RTEL1: variants seen among roughly 807,000 people sequenced by gnomAD.
RTEL1 encodes the protein regulator of telomere elongation helicase 1, also known as regulator of telomere length.
In RTEL1, 86 loss-of-function variants were observed where a neutral mutation model predicts 162.2. The ratio of observed to expected loss-of-function variants is 0.53; its 90% CI spans 0.45 to 0.63. The LOEUF is 0.63. Ranked by LOEUF, RTEL1 falls within the 30% of genes least tolerant of loss-of-function variation. RTEL1 has a pLI of 0.00. For missense variants in RTEL1, 1,941 were observed against 1,750.2 expected, an observed-to-expected ratio of 1.11 and a Z score of -1.95; for synonymous variants, 958 against 717.9, an observed-to-expected ratio of 1.33 and a Z score of -5.35.
intron 27 of RTEL1, among the ~76,000 whole-genome samples, chr20:63,691,301 G>A (rs921174403): frequency 2.0e-5 from 3 of 152,176 alleles, no homozygotes; most frequent in Admixed American, 6.5e-5. Flanking sequence ...GCTGCGGGTG[G>A]AACCCAGGTT....
At chr20:63,682,288 C>T (rs1194560199) in intron 14 of RTEL1, 2 of 985,048 alleles carry the variant, frequency 2.0e-6, no homozygotes, top group Middle Eastern at 5.2e-4. Flanking sequence ...GCCTCCCAGG[C>T]CCCCAGCTAT....
At chr20:63,694,561 G>T in intron 31 of RTEL1, 73 bp downstream of exon 31, 2 of 1,356,420 alleles carry the variant, frequency 1.5e-6, no homozygotes, top group Non-Finnish European at 2.1e-6. Flanking sequence ...GCTAACTCTT[G>T]AGTGTGGCCG....
intron 28 of RTEL1, chr20:63,692,560 T>A (rs931859822): frequency 1.0e-5 from 6 of 571,442 alleles, no homozygotes; most frequent in Non-Finnish European, 1.9e-5. Context: ...ATCTACCCTT[T>A]GCCCATTCAC....
intron 14 of RTEL1, among the ~76,000 whole-genome samples, chr20:63,684,771 C>G (rs1431354893): frequency 6.6e-6 from 1 of 152,146 alleles, no homozygotes; most frequent in Non-Finnish European, 1.5e-5. Context: ...CCACGCCCGG[C>G]CTCTTGTTCT....
intron 21 of RTEL1, 171 bp from the exon 22 acceptor site, chr20:63,688,884 C>G: frequency 1.4e-6 from 1 of 711,774 alleles, no homozygotes; most frequent in Non-Finnish European, 2.4e-6. Flanking sequence ...AAGCACTGAG[C>G]AGGCGTGGGG....
At chr20:63,685,920 C>G in intron 16 of RTEL1, 48 bp downstream of exon 16, 7 of 1,549,326 alleles carry the variant, frequency 4.5e-6, no homozygotes, top group Non-Finnish European at 6.2e-6. Flanking sequence ...GTGCAGTGCC[C>G]GGCACCACCA....
chr20:63,662,969 T>G (rs1165408649), intron 6 of RTEL1, 80 bp downstream of exon 6: 1 of 1,403,478 alleles, frequency 7.1e-7, no homozygotes, highest in Non-Finnish European at 1.0e-6. Flanking sequence ...TGTCACAGCC[T>G]GGTTGTGCTT....
At chr20:63,678,842 C>T (rs1450922137) in intron 12 of RTEL1, among the ~76,000 whole-genome samples, 1 of 134,382 alleles carries the variant, frequency 7.4e-6, no homozygotes, top group South Asian at 2.2e-4. Context: ...CGGAACGGCA[C>T]ACACTCCCAC....
chr20:63,693,576 T>TCCA (rs1601189032), intron 30 of RTEL1, among the ~76,000 whole-genome samples: 3 of 3,968 alleles, frequency 7.6e-4, no homozygotes, highest in Non-Finnish European at 5.1e-4. Context: ...CACCTCCACC[T>TCCA]CCACCACCAC....
In RTEL1 at chr20:63,695,614, C is replaced by T. The variant is rs1555814752; in HGVS notation, c.3786C>T (p.Phe1262=). 1.2e-6 allele frequency: 2 copies of T among 1,611,806 alleles called. No homozygotes were observed. The highest frequency in any genetic ancestry group is 1.7e-6 in the Non-Finnish European group (2 of 1,179,908). The change falls in exon 34 of 35, where the codon TTC becomes TTT. Residue 1262 remains phenylalanine, a synonymous_variant. Coordinates refer to ENST00000360203, the MANE Select transcript of RTEL1 (RefSeq NM_001283009.2). The stretch of plus-strand genomic sequence containing the variant: ...CCTTCCAGTGCCCTGCCTGTGACTT[C>T]CAGCGCTGCCAAGCCTGCTGGCAAC... The part of the protein sequence containing the change: ...VVPFQCPACD[F]QRCQACWQRH...
chr20:63,683,743 TG>T (rs2090526859), intron 14 of RTEL1, among the ~76,000 whole-genome samples: 1 of 152,216 alleles, frequency 6.6e-6, no homozygotes, highest in Non-Finnish European at 1.5e-5. Context: ...TTTGCGTTCC[TG>T]TTCTGGCCGT....
Position 63,678,341 on chromosome 20 carries a change from A to G in RTEL1, c.1032A>G (p.Pro344=), listed in dbSNP as rs771559773. Reference sequence around the variant, plus strand: ...GAGACGACAGCGGTGTCACCAAGCCAGGGAGGTGAGAGGCGGGGAGCCAGC... The same window carrying G: ...GAGACGACAGCGGTGTCACCAAGCCGGGGAGGTGAGAGGCGGGGAGCCAGC... ...LPGDDSGVTK[P]GSYIFELFAE... The change falls in exon 12 of 35, where the codon CCA becomes CCG. Residue 344 remains proline (P), a synonymous_variant. Transcript: ENST00000360203. 6 of 1,611,518 alleles carry G rather than the reference A, an allele frequency of 3.7e-6. No homozygotes were observed. In the Admixed American group the frequency reaches 6.7e-5, roughly 18 times the overall value.
intron 12 of RTEL1, 103 bp downstream of exon 12, chr20:63,678,449 T>A: frequency 3.7e-6 from 4 of 1,094,652 alleles, no homozygotes; most frequent in Non-Finnish European, 5.2e-6. Context: ...AGGCCTGTTT[T>A]CAGGCCTGTT....
chr20:63,664,436 T>TGGTGGGGACGCTGGGCCTGGG (rs2090084542), intron 6 of RTEL1, among the ~76,000 whole-genome samples: 4 of 151,600 alleles, frequency 2.6e-5, no homozygotes, highest in African/African-American at 9.7e-5. Context: ...CTGGGCCTGG[T>TGGTGGGGACGCTGGGCCTGGG]ACCTGGTGGG....
At chr20:63,674,263 C>T (rs968328452) in intron 10 of RTEL1, among the ~76,000 whole-genome samples, 170 bp downstream of exon 10, 4 of 152,326 alleles carry the variant, frequency 2.6e-5, no homozygotes, top group East Asian at 3.9e-4. Context: ...TGTGTGTGGT[C>T]GGCCTGGGCA....
intron 31 of RTEL1, 99 bp from the exon 32 acceptor site, chr20:63,694,642 G>A (rs1189959927): frequency 7.9e-7 from 1 of 1,267,524 alleles, no homozygotes; most frequent in Non-Finnish European, 1.1e-6. Context: ...GTTGTCCTGA[G>A]CAGCTCTCCA....
chr20:63,666,465 C>T (rs536932446), intron 7 of RTEL1, among the ~76,000 whole-genome samples: 4 of 152,334 alleles, frequency 2.6e-5, no homozygotes, highest in South Asian at 2.1e-4. Context: ...GCAGATGTCT[C>T]CTATGTCTAC....
chr20:63,678,338 G>C lies in RTEL1; in HGVS notation c.1029G>C (p.Lys343Asn). 2 of 1,612,108 alleles carry C rather than the reference G, an allele frequency of 1.2e-6. No individual in the cohort carries two copies. Among genetic ancestry groups the C allele is most frequent in the African/African-American group, 1.3e-5 (1 of 75,040 alleles). Residue 343 changes from lysine (K) to asparagine (N), a missense_variant, in exon 12 of 35, where the codon AAG becomes AAC. Lys to Asn is a moderately conservative substitution (Grantham distance 94). Coordinates refer to ENST00000360203, the MANE Select transcript of RTEL1 (RefSeq NM_001283009.2). ...ELPGDDSGVT[K>N]PGSYIFELFA... Reference sequence around the variant, plus strand: ...CTGGAGACGACAGCGGTGTCACCAAGCCAGGGAGGTGAGAGGCGGGGAGCC... The same window carrying C: ...CTGGAGACGACAGCGGTGTCACCAACCCAGGGAGGTGAGAGGCGGGGAGCC...
rs6122023 is a variant in RTEL1 at position 63,676,409 on chromosome 20, G to A, written c.920-1736G>A. On this transcript the variant is annotated intron_variant, in intron 10 of 34. Coordinates refer to ENST00000360203, the MANE Select transcript of RTEL1 (RefSeq NM_001283009.2). ...AGTTAGACTGCGGCCACCGTTTGCCGGGCTCCAGATGGGACGTCCTTTCTA... is the reference window on the plus strand; with the variant it reads ...AGTTAGACTGCGGCCACCGTTTGCCAGGCTCCAGATGGGACGTCCTTTCTA... 1.9e-3 allele frequency among the ~76,000 whole-genome samples: 282 copies of A among 152,254 alleles called. 5 individuals carry two copies. The East Asian group carries it at 0.049, about 27-fold the overall frequency.
Sources: gnomAD v4.1 joint callset for allele counts (sites outside exome capture counted in the v4.1 genomes callset) on GRCh38, gnomAD v4.1.1 for gene constraint, MANE v1.5 for transcripts, NCBI Gene and HGNC (gene_info 2026-07-23, HGNC 2026-07-21) for gene names.